CPA6: variants seen among roughly 807,000 people sequenced by gnomAD.
The protein encoded by CPA6 is carboxypeptidase B.
Under a neutral mutation model 63.3 loss-of-function variants are expected in CPA6, and 58 were observed. That is an observed-to-expected ratio of 0.92 (90% CI 0.74 to 1.14). CPA6 has a LOEUF of 1.14. Among genes scored for constraint, CPA6 ranks in the 50% most tolerant of loss-of-function variants. The probability of loss-of-function intolerance (pLI) is 0.00; values close to 1 mark genes in which losing one functional copy is unlikely to be tolerated. For missense variants in CPA6, 565 were observed against 526.6 expected, an observed-to-expected ratio of 1.07 and a Z score of -0.71; for synonymous variants, 185 against 179.0, an observed-to-expected ratio of 1.03 and a Z score of -0.27.
At chr8:67,671,619 C>T (rs1348425635) in intron 1 of CPA6, among the ~76,000 whole-genome samples, 3 of 152,180 alleles carry the variant, frequency 2.0e-5, no homozygotes, top group Non-Finnish European at 4.4e-5. Flanking sequence ...ATCTGAAACA[C>T]ACTAATGCAT....
chr8:67,568,916 A>G (rs1813412278), intron 2 of CPA6, among the ~76,000 whole-genome samples: 1 of 152,018 alleles, frequency 6.6e-6, no homozygotes, highest in South Asian at 2.1e-4. Flanking sequence ...ATGCCCAGCT[A>G]ATTTTTGTAT....
intron 1 of CPA6, among the ~76,000 whole-genome samples, chr8:67,641,013 G>T (rs112164134): frequency 0.021 from 3,233 of 151,796 alleles, 72 homozygotes; most frequent in South Asian, 0.08. Context: ...GGGTCATGCA[G>T]TTGGCTGCCT....
At chr8:67,721,615 A>G (rs1049899971) in intron 1 of CPA6, among the ~76,000 whole-genome samples, 2 of 152,192 alleles carry the variant, frequency 1.3e-5, no homozygotes, top group Non-Finnish European at 2.9e-5. Flanking sequence ...GATGAACGAT[A>G]GAGGTGCAGG....
intron 1 of CPA6, among the ~76,000 whole-genome samples, chr8:67,713,991 C>A (rs147699659): frequency 1.3e-5 from 2 of 151,992 alleles, no homozygotes; most frequent in African/African-American, 4.8e-5. Context: ...TCTGGTTTTA[C>A]GTAAACTCCA....
chr8:67,631,018 G>T (rs886617642), intron 1 of CPA6, among the ~76,000 whole-genome samples: 2 of 152,220 alleles, frequency 1.3e-5, no homozygotes, highest in Admixed American at 6.5e-5. Context: ...CCCTACTCCT[G>T]CGTGGCCCAA....
At chr8:67,686,757 T>C (rs1454981252) in intron 1 of CPA6, among the ~76,000 whole-genome samples, 1 of 152,174 alleles carries the variant, frequency 6.6e-6, no homozygotes, top group African/African-American at 2.4e-5. Flanking sequence ...ACATGTCAGC[T>C]AAGGAACAGA....
intron 1 of CPA6, among the ~76,000 whole-genome samples, chr8:67,663,405 T>C (rs1816160358): frequency 6.6e-6 from 1 of 152,148 alleles, no homozygotes; most frequent in Non-Finnish European, 1.5e-5. Context: ...ATGTGCAGGA[T>C]GTGCAGGTTT....
chr8:67,731,532 C>T (rs890968903), intron 1 of CPA6, among the ~76,000 whole-genome samples: 6 of 152,236 alleles, frequency 3.9e-5, no homozygotes, highest in South Asian at 2.1e-4. Flanking sequence ...AAGCTGAGCT[C>T]GGCTCAGAAA....
At chr8:67,708,789 A>G (rs971816539) in intron 1 of CPA6, among the ~76,000 whole-genome samples, 14 of 152,160 alleles carry the variant, frequency 9.2e-5, no homozygotes, top group African/African-American at 3.1e-4. Flanking sequence ...CCAGATTCCC[A>G]AAGAATTGGG....
chr8:67,512,201 T>C (rs1030671478), intron 3 of CPA6, among the ~76,000 whole-genome samples: 1 of 152,204 alleles, frequency 6.6e-6, no homozygotes, highest in Non-Finnish European at 1.5e-5. Flanking sequence ...CCAGGGTCAC[T>C]TCATGAAAAC....
chr8:67,449,560 G>T (rs933914762), intron 8 of CPA6, among the ~76,000 whole-genome samples: 1 of 152,124 alleles, frequency 6.6e-6, no homozygotes, highest in African/African-American at 2.4e-5. Context: ...ACTGATTTGG[G>T]GAGGATTTTA....
At chr8:67,630,659 T>G (rs1587651763) in intron 1 of CPA6, among the ~76,000 whole-genome samples, 1 of 152,238 alleles carries the variant, frequency 6.6e-6, no homozygotes, top group South Asian at 2.1e-4. Context: ...TGCTGCTCTG[T>G]GGGAGCCACT....
intron 2 of CPA6, among the ~76,000 whole-genome samples, chr8:67,592,323 G>A (rs995190438): frequency 1.1e-4 from 16 of 152,238 alleles, no homozygotes; most frequent in East Asian, 7.7e-4. Flanking sequence ...ATCAATGTTT[G>A]TCAAGGATAT....
intron 2 of CPA6, among the ~76,000 whole-genome samples, chr8:67,550,095 G>C (rs1464598259): frequency 1.3e-5 from 2 of 152,034 alleles, no homozygotes; most frequent in African/African-American, 4.8e-5. Context: ...TTGTTACCTG[G>C]GTATATGGTG....
At chr8:67,677,027 C>T (rs1286702992) in intron 1 of CPA6, among the ~76,000 whole-genome samples, 1 of 152,166 alleles carries the variant, frequency 6.6e-6, no homozygotes, top group Non-Finnish European at 1.5e-5. Context: ...AGCAGGACTA[C>T]TGCCCCGAAC....
chr8:67,496,517 GTTTATATATATATATATATATATATA>G (rs1811714321), intron 6 of CPA6, among the ~76,000 whole-genome samples: 1 of 47,418 alleles, frequency 2.1e-5, no homozygotes, highest in African/African-American at 1.1e-4. Flanking sequence ...CCACTATATA[GTTTATATATATATATATATATATATA>G]TATATATATA....
intron 1 of CPA6, among the ~76,000 whole-genome samples, chr8:67,692,471 T>TAA (rs1816833523): frequency 6.6e-6 from 1 of 152,156 alleles, no homozygotes; most frequent in South Asian, 2.1e-4. Flanking sequence ...ACATAATACA[T>TAA]TTCACCACTC....
At position 67,455,915 on chromosome 8, in the gene CPA6, A is replaced by G. The variant is rs564840318; in HGVS notation, c.839-21675T>C. Among the ~76,000 whole-genome samples, 18 of 152,068 alleles carry G rather than the reference A, an allele frequency of 1.2e-4. No homozygotes were observed. In the South Asian group the frequency reaches 3.3e-3, roughly 28 times the overall value. On this transcript the variant is annotated intron_variant, in intron 8 of 10. Transcript: ENST00000297770. ...TTTTTTGTAAAGATGGGGTCTTGCC[A>G]TATTATCTGAGTTGATCTTGACCTC...
chr8:67,629,090 G>T (rs1166087536), intron 1 of CPA6, among the ~76,000 whole-genome samples: 1 of 152,028 alleles, frequency 6.6e-6, no homozygotes, highest in Non-Finnish European at 1.5e-5. Flanking sequence ...ACTCCAGCCT[G>T]ATGACAGAGT....
Sources: allele counts gnomAD v4.1 joint callset (sites outside exome capture counted in the v4.1 genomes callset), GRCh38; gene constraint gnomAD v4.1.1; transcripts MANE v1.5; gene names NCBI Gene and HGNC (gene_info 2026-07-23, HGNC 2026-07-21).